The following RSPH9 variants were observed in gnomAD, a reference collection of about 807,000 sequenced individuals.
The protein encoded by RSPH9 is radial spoke head component 9, also known as radial spoke head protein 9 homolog.
In RSPH9, 27 loss-of-function variants were observed where a neutral mutation model predicts 27.0. The ratio of observed to expected loss-of-function variants is 1.00; its 90% confidence interval spans 0.74 to 1.38. The LOEUF is 1.38. Ranked by LOEUF, RSPH9 falls within the 40% of genes most tolerant of loss-of-function variation. RSPH9 has a pLI of 0.00. For missense variants in RSPH9, 347 were observed against 357.4 expected (o/e 0.97, Z 0.24); for synonymous variants, 145 against 147.7 (o/e 0.98, Z 0.13).
chr6:43,656,230 C>T (rs1772036703), intron 3 of RSPH9, among the ~76,000 whole-genome samples: 1 of 152,088 alleles, frequency 6.6e-6, no homozygotes, highest in Non-Finnish European at 1.5e-5. Context: ...GGATTACAGA[C>T]ACCCTCTACC....
rs757687268 is a variant in RSPH9, at chr6:43,670,820, T to A, written c.702T>A (p.Asn234Lys). The change falls in exon 5 of 5, where the codon AAT becomes AAA. Residue 234 changes from asparagine to lysine, a missense_variant. Asn to Lys is a moderately conservative substitution (Grantham distance 94, BLOSUM62 0). Coordinates refer to ENST00000372163, the MANE Select transcript of RSPH9 (RefSeq NM_152732.5). ...GSWSIQMERG[N>K]ALVVLRSLLW... is the part of the protein sequence containing the mutation. ...GGAGCATCCAGATGGAGAGGGGCAATGCCCTGGTGGTGCTGCGCAGCCTGC... is the reference window on the plus strand; with the variant it reads ...GGAGCATCCAGATGGAGAGGGGCAAAGCCCTGGTGGTGCTGCGCAGCCTGC... 2 of 1,614,174 alleles carry A rather than the reference T, an allele frequency of 1.2e-6. No individual in the cohort carries two copies. The highest frequency in any genetic ancestry group is 3.3e-5 in the Admixed American group (2 of 60,026).
At chr6:43,646,705 T>A (rs1770907394) in intron 1 of RSPH9, among the ~76,000 whole-genome samples, 1 of 148,744 alleles carries the variant, frequency 6.7e-6, no homozygotes. Flanking sequence ...GCTCACGCCT[T>A]TAATCCCAGC....
Position 43,650,540 on chromosome 6 carries a change from G to GAA in RSPH9, c.393_393+1insAA (p.Val132LysfsTer66), listed in dbSNP as rs2127891791. Reference sequence around the variant, plus strand: ...AAAAAGTCTTTGAAGAAGAAATAGTGGTGAGTGAAGAGGAGAGCAGGAGGA... The same window carrying GAA: ...AAAAAGTCTTTGAAGAAGAAATAGTGAAGTGAGTGAAGAGGAGAGCAGGAGGA... On this transcript the variant is annotated frameshift_variant and splice_region_variant. Coordinates refer to ENST00000372163, the MANE Select transcript of RSPH9 (RefSeq NM_152732.5). LOFTEE classifies it high-confidence loss of function. 6.2e-7 allele frequency: 1 copy of GAA among 1,614,000 alleles called. No individual in the cohort carries two copies. Among genetic ancestry groups the GAA allele is most frequent in the African/African-American group, 1.3e-5 (1 of 75,010 alleles).
Position 43,645,119 on chromosome 6 carries a change from G to A in RSPH9, c.21G>A (p.Leu7=), listed in dbSNP as rs935885939. The A allele has an allele frequency of 6.2e-7, 1 of 1,612,534 alleles. No individual in the cohort carries two copies. Among genetic ancestry groups the A allele is most frequent in the Middle Eastern group, 1.6e-4 (1 of 6,062 alleles). Residue 7 remains leucine, a synonymous_variant, in exon 1 of 5, where the codon CTG becomes CTA. Coordinates refer to ENST00000372163, the MANE Select transcript of RSPH9 (RefSeq NM_152732.5). MDADSL[L]LSLELASGSG... is the part of the protein sequence containing the mutation. ...ACCTGATGGACGCCGACAGCCTCCT[G>A]CTGTCTCTGGAGCTGGCGTCCGGCA...
chr6:43,656,645 A>G lies in RSPH9; in HGVS notation c.592A>G (p.Asn198Asp). ...FHFREPVELK[N>D]KTLLEKADLD... Reference sequence around the variant, plus strand: ...TTTCAGGGAGCCTGTTGAGCTAAAGAATAAGACCTTGCTTGAGAAGGCTGA... The same window carrying G: ...TTTCAGGGAGCCTGTTGAGCTAAAGGATAAGACCTTGCTTGAGAAGGCTGA... Residue 198 changes from asparagine to aspartate, a missense_variant, in exon 4 of 5, where the codon AAT (asparagine) becomes GAT (aspartate). By Grantham distance (23) the Asn-to-Asp change is conservative. Coordinates refer to ENST00000372163, the MANE Select transcript of RSPH9 (RefSeq NM_152732.5). 6.2e-7 allele frequency: 1 copy of G among 1,614,186 alleles called. No individual in the cohort carries two copies.
chr6:43,662,346 T>C (rs1208958320), intron 4 of RSPH9, among the ~76,000 whole-genome samples: 3 of 151,762 alleles, frequency 2.0e-5, no homozygotes, highest in Non-Finnish European at 4.4e-5. Flanking sequence ...TTTCTACATA[T>C]CAGCAAGAAG....
Position 43,671,252 on chromosome 6 carries a change from G to A in RSPH9, c.*303G>A, listed in dbSNP as rs1773681338. ...CACACGAGAGCGGCAAGTGTGTCAG[G>A]CAGCCCACCTTGGCTCCCTGCAGCT... is the stretch of plus-strand genomic sequence containing the variant. On this transcript the variant is annotated 3_prime_UTR_variant, in exon 5 of 5. Transcript: ENST00000372163. 1 of 520,630 alleles carries A rather than the reference G, an allele frequency of 1.9e-6. No homozygotes were observed. Among genetic ancestry groups the A allele is most frequent in the East Asian group, 3.4e-5 (1 of 29,336 alleles). The allele number at this position is 520,630 out of a possible 1,614,324, so 32.3% of individuals were successfully genotyped here.
intron 4 of RSPH9, among the ~76,000 whole-genome samples, chr6:43,665,162 T>C (rs372561437): frequency 7.9e-5 from 12 of 152,304 alleles, no homozygotes; most frequent in East Asian, 7.7e-4. Context: ...AAGAGGGTGA[T>C]AGAGCTTCTG....
intron 4 of RSPH9, among the ~76,000 whole-genome samples, chr6:43,664,916 A>G (rs1294539143): frequency 6.6e-6 from 1 of 152,302 alleles, no homozygotes; most frequent in East Asian, 1.9e-4. Flanking sequence ...ATGGAACCTC[A>G]GAGCCAGGGG....
chr6:43,655,759 T>C (rs1771938974), intron 3 of RSPH9, 68 bp downstream of exon 3: 2 of 1,567,642 alleles, frequency 1.3e-6, no homozygotes, highest in Non-Finnish European at 1.8e-6. Context: ...AACATATGTC[T>C]GGGAGTCCAG....
At chr6:43,648,572 A>G (rs762464706) in intron 1 of RSPH9, among the ~76,000 whole-genome samples, 13 of 152,222 alleles carry the variant, frequency 8.5e-5, no homozygotes, top group Non-Finnish European at 1.8e-4. Context: ...CTTGTGGGGC[A>G]TTGTAAGACT....
chr6:43,655,649 A>C lies in RSPH9; in HGVS notation c.481A>C (p.Lys161Gln). The C allele has an allele frequency of 6.2e-7, 1 of 1,614,226 alleles. No homozygotes were observed. The highest frequency in any genetic ancestry group is 8.5e-7 in the Non-Finnish European group (1 of 1,180,046). ...VAIIPRGALF[K>Q]TPFGPTHVNR... is the part of the protein sequence containing the mutation. Reference sequence around the variant, plus strand: ...CATCATCCCCCGAGGCGCCCTCTTCAAGACCCCTTTTGGACCCACCCATGT... The same window carrying C: ...CATCATCCCCCGAGGCGCCCTCTTCCAGACCCCTTTTGGACCCACCCATGT... The change falls in exon 3 of 5, where the codon AAG becomes CAG. Residue 161 changes from lysine (K) to glutamine (Q), a missense_variant. Physicochemically the swap from Lys to Gln is moderately conservative, Grantham distance 53 (BLOSUM62 1). Transcript: ENST00000372163.
Position 43,671,897 on chromosome 6 carries a change from C to T in RSPH9, c.*948C>T, listed in dbSNP as rs371714207. On this transcript the variant is annotated 3_prime_UTR_variant, in exon 5 of 5. Coordinates refer to ENST00000372163, the MANE Select transcript of RSPH9 (RefSeq NM_152732.5). ...GCTTGACGGAGCCAGGAGCCCAGCG[C>T]GTCAGGTACCTGTGGAGGGAGAACA... 8.7e-6 allele frequency: 14 copies of T among 1,608,548 alleles called. No homozygotes were observed. Among genetic ancestry groups the T allele is most frequent in the Admixed American group, 5.1e-5 (3 of 59,192 alleles).
At chr6:43,670,219 T>A (rs975340123) in intron 4 of RSPH9, among the ~76,000 whole-genome samples, 5 of 152,196 alleles carry the variant, frequency 3.3e-5, no homozygotes, top group African/African-American at 1.2e-4. Flanking sequence ...TAGCTAGACT[T>A]GCTGACAGGA....
chr6:43,670,667 C>A lies in RSPH9; in HGVS notation c.671-122C>A, dbSNP rs115206748. The stretch of plus-strand genomic sequence containing the variant: ...TAAAGCATCTGGAGAATTAAATGGT[C>A]TCTCCCCAGTGGAACCATAGCACCT... On this transcript the variant is annotated intron_variant, in intron 4 of 4. Coordinates refer to ENST00000372163, the MANE Select transcript of RSPH9 (RefSeq NM_152732.5). The A allele has an allele frequency of 9.3e-4, 692 of 743,454 alleles. 3 individuals carry two copies. The African/African-American group carries it at 0.011, about 12-fold the overall frequency. 46.1% of individuals were successfully genotyped at this position (743,454 alleles called of 1,614,324 possible).
intron 4 of RSPH9, among the ~76,000 whole-genome samples, chr6:43,661,634 C>T (rs1772629129): frequency 7.8e-6 from 1 of 127,690 alleles, no homozygotes; most frequent in Non-Finnish European, 1.6e-5. Flanking sequence ...GTACTCCAGC[C>T]TGGGTGACAG....
chr6:43,672,061 T>TA lies in RSPH9; in HGVS notation c.*1114dup. The TA allele has an allele frequency of 1.1e-6, 1 of 910,626 alleles. No homozygotes were observed. The highest frequency in any genetic ancestry group is 1.6e-6 in the Non-Finnish European group (1 of 618,992). The allele number at this position is 910,626 out of a possible 1,614,324, so 56.4% of individuals were successfully genotyped here. A position where few individuals can be genotyped will look rare whatever the true frequency, so the allele number is the denominator to read the frequency against. On this transcript the variant is annotated 3_prime_UTR_variant, in exon 5 of 5. Coordinates refer to ENST00000372163, the MANE Select transcript of RSPH9 (RefSeq NM_152732.5). The stretch of plus-strand genomic sequence containing the variant: ...TGAAGTGCAGGGATTTTCCTGGGAG[T>TA]AACTGCTGAGCGTCCTGTAAACAGA...
chr6:43,647,367 G>A (rs1257503489), intron 1 of RSPH9, among the ~76,000 whole-genome samples: 3 of 152,180 alleles, frequency 2.0e-5, no homozygotes, highest in African/African-American at 4.8e-5. Flanking sequence ...ATCAGAGTGG[G>A]CAAAATGGCC....
intron 4 of RSPH9, among the ~76,000 whole-genome samples, chr6:43,660,027 G>A (rs1017194852): frequency 1.4e-5 from 2 of 144,974 alleles, no homozygotes; most frequent in East Asian, 2.1e-4. Context: ...GAGCCACCAT[G>A]CCCAGCCTGG....
Sources: gnomAD v4.1 joint callset for allele counts (sites outside exome capture counted in the v4.1 genomes callset) on GRCh38, gnomAD v4.1.1 for gene constraint, MANE v1.5 for transcripts, NCBI Gene and HGNC (gene_info 2026-07-23, HGNC 2026-07-21) for gene names.